The following PAN3 variants were observed in gnomAD, a reference collection of about 807,000 sequenced individuals.
PAN3 encodes PAN2-PAN3 deadenylation complex subunit PAN3.
Under a neutral mutation model 96.2 loss-of-function variants are expected in PAN3, and 19 were observed. That is an observed-to-expected ratio of 0.20 (90% CI 0.14 to 0.29). The LOEUF (loss-of-function observed/expected upper bound fraction) is 0.29, where lower values mean the gene tolerates loss of function less well. PAN3 is among the 10% of genes least tolerant of loss of function. The pLI is 1.00. For synonymous variants in PAN3, 433 were observed against 406.6 expected, an observed-to-expected ratio of 1.06 and a Z score of -0.78; for missense variants, 882 against 1,108.1, an observed-to-expected ratio of 0.80 and a Z score of 2.90.
At chr13:28,180,322 G>T (rs1875600808) in intron 4 of PAN3, among the ~76,000 whole-genome samples, 2 of 152,168 alleles carry the variant, frequency 1.3e-5, no homozygotes, top group South Asian at 4.1e-4. Context: ...TATTTAAAAT[G>T]ATGTGTAATC....
intron 5 of PAN3, among the ~76,000 whole-genome samples, chr13:28,207,984 T>C (rs1021571920): frequency 6.6e-6 from 1 of 152,214 alleles, no homozygotes; most frequent in African/African-American, 2.4e-5. Context: ...AATAATTAAA[T>C]GGATGGACCT....
chr13:28,239,334 ATGGTTTG>A (rs1018798866), intron 6 of PAN3, among the ~76,000 whole-genome samples: 20 of 152,070 alleles, frequency 1.3e-4, no homozygotes, highest in African/African-American at 4.8e-4. Flanking sequence ...GAGAAACCAT[ATGGTTTG>A]TGCTATAGCT....
rs1869147582 is a variant in PAN3 at position 28,138,764 on chromosome 13, T to G, written c.107T>G (p.Val36Gly). The G allele has an allele frequency of 2.2e-6, 3 of 1,335,222 alleles. No individual in the cohort carries two copies. The highest frequency in any genetic ancestry group is 2.9e-6 in the Non-Finnish European group (3 of 1,045,786). 82.7% of individuals were successfully genotyped at this position (1,335,222 alleles called of 1,614,324 possible). ...AVVAPPGVGG[V>G]PGGAAVGVKL... The stretch of plus-strand genomic sequence containing the variant: ...GTGGCCCCGCCGGGGGTCGGGGGTG[T>G]CCCCGGCGGGGCGGCGGTAGGAGTG... Residue 36 changes from valine to glycine, a missense_variant, in exon 1 of 19, where the codon GTC becomes GGC. Transcript: ENST00000380958.
At chr13:28,184,269 AATT>A (rs1389318960) in intron 4 of PAN3, among the ~76,000 whole-genome samples, 16 of 125,330 alleles carry the variant, frequency 1.3e-4, no homozygotes, top group African/African-American at 5.2e-4. Flanking sequence ...AAACCTAAAT[AATT>A]ATTTTATAAA....
Position 28,220,022 on chromosome 13 carries a change from G to T in PAN3, c.853-209G>T, listed in dbSNP as rs573143371. Among the ~76,000 whole-genome samples, 9 of 152,220 alleles carry T rather than the reference G, an allele frequency of 5.9e-5. No individual in the cohort carries two copies. The South Asian group carries it at 1.7e-3, about 28-fold the overall frequency. ...TTACTGAGGTTAAAATTCTGCAAAT[G>T]AAATGATTAAAGTCTTCAAATTTGA... On this transcript the variant is annotated intron_variant, in intron 5 of 18. Coordinates refer to ENST00000380958, the MANE Select transcript of PAN3 (RefSeq NM_175854.8).
intron 10 of PAN3, 30 bp downstream of exon 10, chr13:28,266,906 A>G (rs779330466): frequency 2.0e-5 from 30 of 1,510,254 alleles, no homozygotes; most frequent in Non-Finnish European, 2.7e-5. Flanking sequence ...TTCTTTTATA[A>G]TCGTATCATT....
chr13:28,174,302 A>G lies in PAN3; in HGVS notation c.461A>G (p.Asp154Gly). 6.2e-7 allele frequency: 1 copy of G among 1,612,854 alleles called. No homozygotes were observed. The highest frequency in any genetic ancestry group is 8.5e-7 in the Non-Finnish European group (1 of 1,178,898). The change falls in exon 2 of 19, where the codon GAT (aspartate) becomes GGT (glycine). Residue 154 changes from aspartate to glycine, a missense_variant. Asp to Gly is a moderately conservative substitution (Grantham distance 94). Around this residue, in one of 3 missense-constraint regions of PAN3, gnomAD observed 442 missense variants for 422.8 expected, o/e 1.05. Transcript: ENST00000380958. ...IPGMDGGALT[D>G]TSLTDSYFST... ...GGAATGGATGGAGGTGCTTTAACTG[A>G]TACAAGTCTCACAGATTCCTATTTT...
chr13:28,177,351 T>G (rs1875155944), intron 3 of PAN3, among the ~76,000 whole-genome samples: 1 of 152,202 alleles, frequency 6.6e-6, no homozygotes. Context: ...CTTTATCTTT[T>G]TAGTAATAAT....
At chr13:28,263,394 G>A (rs1050300965) in intron 9 of PAN3, among the ~76,000 whole-genome samples, 14 of 152,210 alleles carry the variant, frequency 9.2e-5, no homozygotes, top group Admixed American at 5.9e-4. Context: ...GTACAGTGGC[G>A]TGATCGCAGC....
intron 18 of PAN3, among the ~76,000 whole-genome samples, chr13:28,291,692 G>C (rs932689846): frequency 3.3e-5 from 5 of 152,058 alleles, no homozygotes; most frequent in Admixed American, 6.6e-5. Flanking sequence ...TTAGCTGGGC[G>C]TGGTGGCAGG....
At chr13:28,213,887 C>G (rs1251789494) in intron 5 of PAN3, among the ~76,000 whole-genome samples, 1 of 152,126 alleles carries the variant, frequency 6.6e-6, no homozygotes, top group Non-Finnish European at 1.5e-5. Context: ...GATACCACTA[C>G]ACACCTATTA....
At chr13:28,214,631 GA>G in intron 5 of PAN3, 2 of 420,076 alleles carry the variant, frequency 4.8e-6, no homozygotes, top group South Asian at 2.2e-5. Context: ...AAGAATCATT[GA>G]AAAATTGGAA....
At position 28,267,068 on chromosome 13, in the gene PAN3, T is replaced by C. The variant is rs565395131; in HGVS notation, c.1574-27T>C. On this transcript the variant is annotated intron_variant, in intron 10 of 18. Coordinates refer to ENST00000380958, the MANE Select transcript of PAN3 (RefSeq NM_175854.8). Reference sequence around the variant, plus strand: ...TATGAAGGAGACGTCAATTAGAGTTTACTGGAGTAGAAAAATTGTCTTCCA... The same window carrying C: ...TATGAAGGAGACGTCAATTAGAGTTCACTGGAGTAGAAAAATTGTCTTCCA... The C allele has an allele frequency of 2.6e-6, 4 of 1,563,582 alleles. No individual in the cohort carries two copies. In the East Asian group the frequency reaches 9.0e-5, roughly 35 times the overall value.
At position 28,139,062 on chromosome 13, in the gene PAN3, G is replaced by A. The variant is rs923415601; in HGVS notation, c.405G>A (p.Gly135=). The A allele has an allele frequency of 1.6e-6, 2 of 1,276,494 alleles. No individual in the cohort carries two copies. The highest frequency in any genetic ancestry group is 3.1e-5 in the African/African-American group (2 of 64,526). The allele number at this position is 1,276,494 out of a possible 1,614,324, so 79.1% of individuals were successfully genotyped here. Reference sequence around the variant, plus strand: ...CAGCCGGCGGAGGAGGCAGTAGCGGGGGACTCGATGGACCGCGGCTGGCAA... The same window carrying A: ...CAGCCGGCGGAGGAGGCAGTAGCGGAGGACTCGATGGACCGCGGCTGGCAA... ...GAAAGGGGSS[G]GLDGPRLAIP... is the part of the protein sequence containing the mutation. Residue 135 remains glycine, a synonymous_variant, in exon 1 of 19, where the codon GGG becomes GGA. Coordinates refer to ENST00000380958, the MANE Select transcript of PAN3 (RefSeq NM_175854.8).
intron 6 of PAN3, among the ~76,000 whole-genome samples, chr13:28,225,370 T>C (rs528721713): frequency 6.6e-6 from 1 of 152,328 alleles, no homozygotes; most frequent in East Asian, 1.9e-4. Context: ...TAAAGTTCTG[T>C]GCCAAAAAAC....
rs1200414476 is a variant in PAN3, at chr13:28,256,420, A to G, written c.1129A>G (p.Thr377Ala). Residue 377 changes from threonine to alanine, a missense_variant, in exon 7 of 19, where the codon ACA (threonine) becomes GCA (alanine). By Grantham distance (58) the Thr-to-Ala change is moderately conservative. Around this residue, in one of 3 missense-constraint regions of PAN3, gnomAD observed 364 missense variants for 513.6 expected, o/e 0.71. Coordinates refer to ENST00000380958, the MANE Select transcript of PAN3 (RefSeq NM_175854.8). The part of the protein sequence containing the change: ...ASYMVPSSAS[T>A]SVNNPVSQTP... ...TTACATGGTGCCTTCTAGTGCCTCT[A>G]CATCTGTTAATAATCCTGTTTCTCA... is the stretch of plus-strand genomic sequence containing the variant. 4 of 1,613,946 alleles carry G rather than the reference A, an allele frequency of 2.5e-6. No individual in the cohort carries two copies. Among genetic ancestry groups the G allele is most frequent in the Middle Eastern group, 1.6e-4 (1 of 6,084 alleles).
chr13:28,169,384 C>G (rs117475117), intron 1 of PAN3, among the ~76,000 whole-genome samples: 3,327 of 151,558 alleles, frequency 0.022, 39 homozygotes, highest in Non-Finnish European at 0.036. Flanking sequence ...TGCCCACCAC[C>G]ACGCCTGGCT....
At chr13:28,260,611 G>C in intron 8 of PAN3, 60 bp downstream of exon 8, 1 of 1,288,612 alleles carries the variant, frequency 7.8e-7, no homozygotes, top group Non-Finnish European at 1.1e-6. Flanking sequence ...AGTGAACAGG[G>C]GAAAGAACAG....
intron 4 of PAN3, among the ~76,000 whole-genome samples, chr13:28,178,526 A>C (rs933807866): frequency 6.6e-6 from 1 of 152,112 alleles, no homozygotes; most frequent in African/African-American, 2.4e-5. Flanking sequence ...CTTAATGAGA[A>C]TCTTGTTAAT....
Sources: allele counts gnomAD v4.1 joint callset (sites outside exome capture counted in the v4.1 genomes callset), GRCh38; gene constraint gnomAD v4.1.1; regional missense constraint gnomAD v4.1.1; transcripts MANE v1.5; gene names NCBI Gene and HGNC (gene_info 2026-07-23, HGNC 2026-07-21).